The following PPP1R12B variants were observed in gnomAD, a reference collection of about 807,000 sequenced individuals.
PPP1R12B encodes the protein myosin phosphatase target subunit 2.
PPP1R12B carries 76 observed loss-of-function variants against 126.1 expected under a neutral mutation model. That is an observed-to-expected ratio of 0.60 (90% CI 0.50 to 0.73). The LOEUF is 0.73. Ranked by LOEUF, PPP1R12B falls within the 30% of genes least tolerant of loss-of-function variation. The probability of loss-of-function intolerance (pLI) is 0.00; values close to 1 mark genes in which losing one functional copy is unlikely to be tolerated. For synonymous variants in PPP1R12B, 356 were observed against 434.7 expected (o/e 0.82, Z 2.25); for missense variants, 1,052 against 1,205.1 (o/e 0.87, Z 1.88).
intron 18 of PPP1R12B, among the ~76,000 whole-genome samples, chr1:202,520,566 A>G (rs1337455666): frequency 6.6e-6 from 1 of 152,174 alleles, no homozygotes; most frequent in Non-Finnish European, 1.5e-5. Flanking sequence ...TTCCTAGTAC[A>G]TCTATTATTT....
At chr1:202,490,885 T>C (rs891180640) in intron 14 of PPP1R12B, among the ~76,000 whole-genome samples, 4 of 152,242 alleles carry the variant, frequency 2.6e-5, no homozygotes, top group Admixed American at 1.3e-4. Flanking sequence ...ATTGGGTTGC[T>C]TCCACCTTTT....
At chr1:202,361,467 G>A (rs1235669428) in intron 1 of PPP1R12B, among the ~76,000 whole-genome samples, 8 of 152,144 alleles carry the variant, frequency 5.3e-5, no homozygotes, top group Admixed American at 2.6e-4. Context: ...CAGATCTCCT[G>A]TGAAGAGAAG....
chr1:202,467,330 C>T (rs867139430), intron 13 of PPP1R12B, among the ~76,000 whole-genome samples: 14 of 151,156 alleles, frequency 9.3e-5, no homozygotes, highest in African/African-American at 1.2e-4. Context: ...CCCATTAATT[C>T]GTCATTTAGC....
At chr1:202,487,929 A>G (rs950526773) in intron 13 of PPP1R12B, among the ~76,000 whole-genome samples, 2 of 152,186 alleles carry the variant, frequency 1.3e-5, no homozygotes, top group Non-Finnish European at 2.9e-5. Context: ...CCAGTGGATG[A>G]CTGAACCTAC....
chr1:202,539,130 G>A (rs559895583), intron 18 of PPP1R12B, among the ~76,000 whole-genome samples: 2 of 152,282 alleles, frequency 1.3e-5, no homozygotes, highest in East Asian at 1.9e-4. Context: ...CTGTCTGGGC[G>A]TTGTTACTTA....
At chr1:202,375,019 T>C (rs1660946319) in intron 1 of PPP1R12B, among the ~76,000 whole-genome samples, 1 of 152,164 alleles carries the variant, frequency 6.6e-6, no homozygotes, top group Admixed American at 6.5e-5. Context: ...CTCAGCTCAC[T>C]GCAACCTTCG....
At position 202,380,319 on chromosome 1, in the gene PPP1R12B, A is replaced by G. The variant is rs77198867; in HGVS notation, c.291+31177A>G. Among the ~76,000 whole-genome samples, 49 of 152,238 alleles carry G rather than the reference A, an allele frequency of 3.2e-4. 1 individual carries two copies. The East Asian group carries it at 9.3e-3, about 29-fold the overall frequency. On this transcript the variant is annotated intron_variant, in intron 1 of 23. Coordinates refer to ENST00000608999, the MANE Select transcript of PPP1R12B (RefSeq NM_002481.4). ...GTGATATTATCTTACACAAACAACA[A>G]GTTGTTCTGTGGCAGGCAGAAGACT...
Position 202,540,816 on chromosome 1 carries a change from C to T in PPP1R12B, c.2491-18061C>T, listed in dbSNP as rs535550578. The stretch of plus-strand genomic sequence containing the variant: ...GTTATGGCCACTTGGAACCTTACTC[C>T]TTAATCACCAAGTACCTTCAGGAAA... On this transcript the variant is annotated intron_variant, in intron 18 of 23. Transcript: ENST00000608999. 4.5e-4 allele frequency among the ~76,000 whole-genome samples: 69 copies of T among 152,296 alleles called. 1 individual carries two copies. The highest frequency in any genetic ancestry group is 6.8e-3 in the Middle Eastern group (2 of 294).
chr1:202,382,279 G>A (rs1008503853), intron 1 of PPP1R12B, among the ~76,000 whole-genome samples: 3 of 143,530 alleles, frequency 2.1e-5, no homozygotes, highest in Non-Finnish European at 4.6e-5. Context: ...GTTGTGGAGT[G>A]GGGGGAGGGG....
Position 202,438,309 on chromosome 1 carries a change from A to T in PPP1R12B, c.1458+285A>T, listed in dbSNP as rs370429466. 3.3e-5 allele frequency: 48 copies of T among 1,475,376 alleles called. No homozygotes were observed. The African/African-American group carries it at 6.0e-4, about 18-fold the overall frequency. 91.4% of individuals were successfully genotyped at this position (1,475,376 alleles called of 1,614,324 possible). On this transcript the variant is annotated intron_variant, in intron 10 of 23. Transcript: ENST00000608999. ...CTAAAGCAAAAAATGGATCAGCAAC[A>T]TAAAAATTTCAGTATGGCGGAGGGG...
At chr1:202,526,680 A>G (rs1028955250) in intron 18 of PPP1R12B, among the ~76,000 whole-genome samples, 29 of 152,216 alleles carry the variant, frequency 1.9e-4, no homozygotes, top group Non-Finnish European at 4.4e-5. Flanking sequence ...ACAATGAACA[A>G]TAGTTCAGGA....
At chr1:202,428,765 A>C in intron 5 of PPP1R12B, 90 bp from the exon 6 acceptor site, 1 of 1,248,282 alleles carries the variant, frequency 8.0e-7, no homozygotes, top group Non-Finnish European at 1.1e-6. Context: ...TCAAAGGCAA[A>C]AAGTGACTTT....
intron 18 of PPP1R12B, among the ~76,000 whole-genome samples, chr1:202,511,679 A>G (rs1212985912): frequency 6.6e-6 from 1 of 152,138 alleles, no homozygotes; most frequent in African/African-American, 2.4e-5. Flanking sequence ...CACTTAGAAT[A>G]ATGGGCTCCA....
At chr1:202,463,988 C>T (rs1572142989) in intron 13 of PPP1R12B, among the ~76,000 whole-genome samples, 1 of 152,296 alleles carries the variant, frequency 6.6e-6, no homozygotes, top group Non-Finnish European at 1.5e-5. Context: ...TGACCCTCTT[C>T]CTTTGTCCAT....
intron 1 of PPP1R12B, among the ~76,000 whole-genome samples, chr1:202,376,199 TTAA>T (rs1571680731): frequency 2.0e-5 from 3 of 152,362 alleles, no homozygotes; most frequent in East Asian, 1.9e-4. Context: ...ATTTTCTTTC[TTAA>T]TAATTCTTGT....
rs541589818 is a variant in PPP1R12B, at chr1:202,413,555, AAATC to A, written c.292-3230_292-3227del. 3.3e-3 allele frequency among the ~76,000 whole-genome samples: 503 copies of A among 152,318 alleles called. 1 individual carries two copies. The highest frequency in any genetic ancestry group is 5.2e-3 in the Admixed American group (79 of 15,302). Reference sequence around the variant, plus strand: ...ATCTCAGGATTCCTTTATACTTAAGAAATCATTTAGGACTCCCAAAATTTAACCA... The same window carrying A: ...ATCTCAGGATTCCTTTATACTTAAGAATTTAGGACTCCCAAAATTTAACCA... On this transcript the variant is annotated intron_variant, in intron 1 of 23. Coordinates refer to ENST00000608999, the MANE Select transcript of PPP1R12B (RefSeq NM_002481.4).
intron 10 of PPP1R12B, chr1:202,438,565 G>C (rs1007107833): frequency 3.6e-5 from 16 of 447,906 alleles, no homozygotes; most frequent in Non-Finnish European, 6.8e-5. Context: ...GGTGGAAGAG[G>C]CTGAACAGCC....
chr1:202,563,627 A>G (rs930794756), intron 20 of PPP1R12B, among the ~76,000 whole-genome samples: 17 of 83,818 alleles, frequency 2.0e-4, no homozygotes, highest in East Asian at 9.7e-4. Context: ...TGGTGTTAGT[A>G]AAAAAAAAAA....
At chr1:202,382,589 G>C (rs902724559) in intron 1 of PPP1R12B, among the ~76,000 whole-genome samples, 4 of 151,614 alleles carry the variant, frequency 2.6e-5, no homozygotes, top group Admixed American at 6.6e-5. Context: ...TAAAAAAATT[G>C]ACTGTGGCTG....
Sources: gnomAD v4.1 joint callset for allele counts (sites outside exome capture counted in the v4.1 genomes callset) on GRCh38, gnomAD v4.1.1 for gene constraint, MANE v1.5 for transcripts, NCBI Gene and HGNC (gene_info 2026-07-23, HGNC 2026-07-21) for gene names.